The following ST7L variants were observed in gnomAD, a reference collection of about 807,000 sequenced individuals.
ST7L encodes the protein suppressor of tumorigenicity 7 protein-like.
Under a neutral mutation model 72.5 loss-of-function variants are expected in ST7L, and 57 were observed. The ratio of observed to expected loss-of-function variants is 0.79; its 90% CI spans 0.64 to 0.98. The LOEUF is 0.98. Among genes scored for constraint, ST7L ranks in the 50% least tolerant of loss-of-function variants. ST7L has a pLI of 0.00. For missense variants in ST7L, 576 were observed against 672.2 expected (o/e 0.86, Z 1.58); for synonymous variants, 221 against 240.9 (o/e 0.92, Z 0.77).
At chr1:112,587,986 T>C (rs1374985704) in intron 6 of ST7L, among the ~76,000 whole-genome samples, 1 of 152,254 alleles carries the variant, frequency 6.6e-6, no homozygotes, top group Non-Finnish European at 1.5e-5. Context: ...TTATGCTTTA[T>C]AGTTTTCAGC....
chr1:112,530,946 T>G (rs1654291516), intron 14 of ST7L, among the ~76,000 whole-genome samples: 1 of 152,230 alleles, frequency 6.6e-6, no homozygotes, highest in Non-Finnish European at 1.5e-5. Context: ...TTTAGTGCCT[T>G]ATCCCAATAT....
chr1:112,564,992 A>G (rs914509190), intron 11 of ST7L, among the ~76,000 whole-genome samples: 1 of 151,678 alleles, frequency 6.6e-6, no homozygotes, highest in Admixed American at 6.6e-5. Flanking sequence ...CTTTCTTGGC[A>G]GCATAACACT....
intron 2 of ST7L, 25 bp downstream of exon 2, chr1:112,616,788 A>T (rs1477277898): frequency 6.7e-7 from 1 of 1,501,456 alleles, no homozygotes. Flanking sequence ...CCAAAACATG[A>T]AGGAAGGAAA....
At chr1:112,531,614 G>A (rs1654393868) in intron 14 of ST7L, among the ~76,000 whole-genome samples, 1 of 152,130 alleles carries the variant, frequency 6.6e-6, no homozygotes, top group African/African-American at 2.4e-5. Flanking sequence ...GAATATTCAA[G>A]GATGAACTCA....
chr1:112,525,404 G>A lies in ST7L; in HGVS notation c.*609C>T, dbSNP rs1653245717. The stretch of plus-strand genomic sequence containing the variant: ...CAGGTATAGGGCAATAGCCAGTGGG[G>A]TGTCAGTAATATGCCCTGTCCCTGA... On this transcript the variant is annotated 3_prime_UTR_variant, in exon 15 of 15. Coordinates refer to ENST00000358039, the MANE Select transcript of ST7L (RefSeq NM_017744.5). 1 of 152,254 alleles carries A rather than the reference G, an allele frequency of 6.6e-6. No homozygotes were observed. The highest frequency in any genetic ancestry group is 6.5e-5 in the Admixed American group (1 of 15,274). The allele number at this position is 152,254 out of a possible 1,614,324, so 9.4% of individuals were successfully genotyped here. A position where few individuals can be genotyped will look rare whatever the true frequency, so the allele number is the denominator to read the frequency against.
intron 5 of ST7L, among the ~76,000 whole-genome samples, chr1:112,593,054 T>G (rs1300321445): frequency 6.6e-6 from 1 of 152,204 alleles, no homozygotes; most frequent in Non-Finnish European, 1.5e-5. Flanking sequence ...CTTTGCTAAT[T>G]TAACACCTTA....
chr1:112,548,143 C>T (rs991533054), intron 13 of ST7L, among the ~76,000 whole-genome samples: 2 of 151,898 alleles, frequency 1.3e-5, no homozygotes, highest in Admixed American at 1.3e-4. Flanking sequence ...TCACTTGAGG[C>T]CAGGGGTTCA....
At chr1:112,543,783 C>T (rs1004075067) in intron 13 of ST7L, among the ~76,000 whole-genome samples, 11 of 147,786 alleles carry the variant, frequency 7.4e-5, no homozygotes, top group East Asian at 4.1e-4. Flanking sequence ...GCAGGAGGAT[C>T]GCTAGAACCT....
Position 112,542,919 on chromosome 1 carries a change from C to A in ST7L, c.1490-829G>T, listed in dbSNP as rs1007302253. On this transcript the variant is annotated intron_variant, in intron 13 of 14. Transcript: ENST00000358039. ...GGTTCAAGTGACTCTTGTGCCTTAGCCTCCCAAGTAGCTGGGATTACATGC... is the reference window on the plus strand; with the variant it reads ...GGTTCAAGTGACTCTTGTGCCTTAGACTCCCAAGTAGCTGGGATTACATGC... Among the ~76,000 whole-genome samples, 2 of 151,956 alleles carry A rather than the reference C, an allele frequency of 1.3e-5. 1 individual carries two copies. Among genetic ancestry groups the A allele is most frequent in the East Asian group, 3.9e-4 (2 of 5,164 alleles).
intron 3 of ST7L, among the ~76,000 whole-genome samples, chr1:112,602,083 C>CAAAAAAAAAAAAAAAA (rs71584754): frequency 2.2e-5 from 2 of 89,046 alleles, no homozygotes; most frequent in African/African-American, 3.9e-5. Flanking sequence ...AAACTCCATC[C>CAAAAAAAAAAAAAAAA]AAAAAAAAAA....
intron 11 of ST7L, among the ~76,000 whole-genome samples, chr1:112,563,143 T>C (rs918551896): frequency 6.6e-6 from 1 of 151,680 alleles, no homozygotes; most frequent in African/African-American, 2.4e-5. Flanking sequence ...GTACAGGTAA[T>C]GAAGGCAAAC....
chr1:112,532,635 G>A (rs1458282075), intron 14 of ST7L, among the ~76,000 whole-genome samples: 1 of 152,142 alleles, frequency 6.6e-6, no homozygotes, highest in Non-Finnish European at 1.5e-5. Context: ...TACAGAGTGA[G>A]GTCAGAAGGT....
chr1:112,579,835 CTTTA>C (rs1286030150), intron 9 of ST7L, among the ~76,000 whole-genome samples: 1 of 152,050 alleles, frequency 6.6e-6, no homozygotes, highest in Non-Finnish European at 1.5e-5. Flanking sequence ...CTTAGATATG[CTTTA>C]TTAGTTTTAG....
downstream of ST7L, chr1:112,521,612 T>C (rs933398379): frequency 1.3e-5 from 2 of 152,302 alleles, no homozygotes; most frequent in Admixed American, 6.5e-5. Flanking sequence ...ATACACAGCT[T>C]AGAAGGCAGC....
downstream of ST7L, among the ~76,000 whole-genome samples, chr1:112,519,879 T>C (rs1005417332): frequency 3.5e-4 from 52 of 148,752 alleles, no homozygotes; most frequent in Middle Eastern, 3.4e-3. Context: ...CTTCTTTTTT[T>C]TTTTTTTTTT....
At chr1:112,544,879 A>G (rs1656792757) in intron 13 of ST7L, among the ~76,000 whole-genome samples, 1 of 152,198 alleles carries the variant, frequency 6.6e-6, no homozygotes, top group Non-Finnish European at 1.5e-5. Context: ...ATGTTTGGCT[A>G]ATACATCAAA....
intron 6 of ST7L, among the ~76,000 whole-genome samples, chr1:112,591,084 C>T (rs1050541782): frequency 1.3e-5 from 2 of 151,954 alleles, no homozygotes; most frequent in East Asian, 3.9e-4. Flanking sequence ...GCGCTCGCCC[C>T]CATGCCCGGC....
chr1:112,518,390 GT>G, the ST7L span: 1 of 152,194 alleles, frequency 6.6e-6, no homozygotes, highest in Non-Finnish European at 1.5e-5. Flanking sequence ...CTTCGGTACT[GT>G]TTGTTTTCAC....
intron 11 of ST7L, among the ~76,000 whole-genome samples, chr1:112,558,154 C>T (rs1659504231): frequency 6.6e-6 from 1 of 152,084 alleles, no homozygotes; most frequent in African/African-American, 2.4e-5. Context: ...TCTTTGGTTC[C>T]AAACAATTTG....
Sources: allele counts gnomAD v4.1 joint callset (sites outside exome capture counted in the v4.1 genomes callset), GRCh38; gene constraint gnomAD v4.1.1; transcripts MANE v1.5; gene names NCBI Gene and HGNC (gene_info 2026-07-23, HGNC 2026-07-21).